The following LNX2 variants were observed in gnomAD, a reference collection of about 807,000 sequenced individuals.
LNX2 encodes the protein ligand of Numb protein X 2.
In LNX2, 35 loss-of-function variants were observed where a neutral mutation model predicts 66.2. The observed-to-expected ratio is 0.53, with a 90% CI of 0.40 to 0.70. LNX2 has a LOEUF of 0.70. Among genes scored for constraint, LNX2 ranks in the 30% least tolerant of loss-of-function variants. The pLI, the probability that LNX2 is intolerant of heterozygous loss-of-function variation, is 0.00. For synonymous variants in LNX2, 337 were observed against 315.6 expected (o/e 1.07, Z -0.72); for missense variants, 791 against 850.8 (o/e 0.93, Z 0.87).
At chr13:27,612,020 A>G (rs997582342) in intron 1 of LNX2, among the ~76,000 whole-genome samples, 4 of 152,238 alleles carry the variant, frequency 2.6e-5, no homozygotes, top group African/African-American at 7.2e-5. Context: ...ACTTGAAGAG[A>G]TAACAGGCAC....
At chr13:27,594,448 T>G (rs1373743364) in intron 1 of LNX2, among the ~76,000 whole-genome samples, 1 of 152,206 alleles carries the variant, frequency 6.6e-6, no homozygotes, top group African/African-American at 2.4e-5. Context: ...TTGAATACAC[T>G]CACTTTTCCC....
chr13:27,555,643 A>G (rs933540665), intron 7 of LNX2, among the ~76,000 whole-genome samples: 3 of 152,240 alleles, frequency 2.0e-5, no homozygotes, highest in African/African-American at 7.2e-5. Flanking sequence ...TTATGATTTA[A>G]TTTGTGTTTA....
At chr13:27,552,845 G>T (rs1375322888) in intron 8 of LNX2, among the ~76,000 whole-genome samples, 1 of 152,204 alleles carries the variant, frequency 6.6e-6, no homozygotes, top group East Asian at 1.9e-4. Flanking sequence ...TTCTGGGATG[G>T]GGGGAAGCCC....
intron 1 of LNX2, among the ~76,000 whole-genome samples, chr13:27,619,197 A>G (rs2138502237): frequency 6.6e-6 from 1 of 150,944 alleles, no homozygotes; most frequent in Middle Eastern, 3.4e-3. Flanking sequence ...CCATGGGAAA[A>G]CTCACATGTG....
intron 2 of LNX2, among the ~76,000 whole-genome samples, chr13:27,575,242 A>T (rs1397573451): frequency 2.0e-5 from 3 of 152,356 alleles, no homozygotes; most frequent in Non-Finnish European, 2.9e-5. Flanking sequence ...TAATGTGTGA[A>T]GATACAACTT....
chr13:27,559,892 T>A lies in LNX2; in HGVS notation c.1318A>T (p.Ser440Cys). The A allele has an allele frequency of 6.2e-7, 1 of 1,610,360 alleles. No individual in the cohort carries two copies. Among genetic ancestry groups the A allele is most frequent in the Non-Finnish European group, 8.5e-7 (1 of 1,177,530 alleles). ...TACGGTGGTGGTGTGTGGTGCTGGC[T>A]GCTGCTGCTATGATTTCCTGCTTCT... Reference protein sequence around the residue: ...IREAGNHSSSSQHHTPPPYYS... With the variant: ...IREAGNHSSSCQHHTPPPYYS... Residue 440 changes from serine (S) to cysteine (C), a missense_variant, in exon 6 of 10, where the codon AGC (serine) becomes TGC (cysteine). Coordinates refer to ENST00000316334, the MANE Select transcript of LNX2 (RefSeq NM_153371.4).
intron 1 of LNX2, among the ~76,000 whole-genome samples, chr13:27,605,383 C>A (rs1955703188): frequency 6.6e-6 from 1 of 152,172 alleles, no homozygotes; most frequent in South Asian, 2.1e-4. Context: ...ATTGAAAAAT[C>A]ATCTCATTAT....
At chr13:27,613,712 G>C (rs1476575566) in intron 1 of LNX2, among the ~76,000 whole-genome samples, 2 of 152,184 alleles carry the variant, frequency 1.3e-5, no homozygotes. Context: ...AGGTTGCCAT[G>C]AGCCGAGACT....
At chr13:27,589,902 C>T (rs1038699988) in intron 1 of LNX2, among the ~76,000 whole-genome samples, 9 of 152,366 alleles carry the variant, frequency 5.9e-5, no homozygotes, top group African/African-American at 1.4e-4. Flanking sequence ...ACCTCCAACA[C>T]GTGGGCTTTC....
chr13:27,570,925 T>C (rs1397133876), intron 2 of LNX2, among the ~76,000 whole-genome samples: 1 of 152,190 alleles, frequency 6.6e-6, no homozygotes, highest in East Asian at 1.9e-4. Flanking sequence ...GTAAGGCCTA[T>C]CTTATAGTTA....
chr13:27,608,806 T>TGTTTTGTTTTGTTTG (rs1333376660), intron 1 of LNX2, among the ~76,000 whole-genome samples: 2 of 152,098 alleles, frequency 1.3e-5, no homozygotes, highest in Non-Finnish European at 2.9e-5. Flanking sequence ...TTTTTTGTTT[T>TGTTTTGTTTTGTTTG]GTTTTGTTTT....
At chr13:27,552,498 T>TA (rs1339157993) in intron 8 of LNX2, among the ~76,000 whole-genome samples, 1 of 152,242 alleles carries the variant, frequency 6.6e-6, no homozygotes, top group Non-Finnish European at 1.5e-5. Context: ...CTTCATAGCT[T>TA]AGTTTTAGGA....
At chr13:27,562,257 A>G (rs554129824) in intron 5 of LNX2, among the ~76,000 whole-genome samples, 156 bp downstream of exon 5, 1 of 151,952 alleles carries the variant, frequency 6.6e-6, no homozygotes, top group South Asian at 2.1e-4. Flanking sequence ...ATGAAGTTAT[A>G]CTAGTGTGGA....
At chr13:27,583,197 T>A (rs1566124620) in intron 1 of LNX2, among the ~76,000 whole-genome samples, 1 of 11,506 alleles carries the variant, frequency 8.7e-5, no homozygotes, top group Admixed American at 1.1e-3. Flanking sequence ...TGTGTGTGTG[T>A]GTGTGTGTGT....
At chr13:27,556,568 A>C (rs2138325960) in intron 6 of LNX2, among the ~76,000 whole-genome samples, 155 bp from the exon 7 acceptor site, 1 of 152,326 alleles carries the variant, frequency 6.6e-6, no homozygotes, top group East Asian at 1.9e-4. Context: ...AGTTCTTAAT[A>C]AGTCTGCTGT....
chr13:27,570,329 A>G (rs1405021960), intron 2 of LNX2, among the ~76,000 whole-genome samples: 1 of 152,206 alleles, frequency 6.6e-6, no homozygotes, highest in African/African-American at 2.4e-5. Flanking sequence ...ATATTTTTAA[A>G]ACTCCAAAAT....
chr13:27,582,374 A>C (rs1228306079), intron 1 of LNX2, among the ~76,000 whole-genome samples: 1 of 152,150 alleles, frequency 6.6e-6, no homozygotes, highest in African/African-American at 2.4e-5. Context: ...TGAAAGGTAA[A>C]GACACCATAG....
intron 1 of LNX2, among the ~76,000 whole-genome samples, chr13:27,617,888 C>T (rs916054094): frequency 4.6e-5 from 7 of 152,206 alleles, no homozygotes; most frequent in Non-Finnish European, 1.0e-4. Context: ...CAACATTCCA[C>T]TAGCTCATTA....
At chr13:27,599,818 C>T (rs561475124) in intron 1 of LNX2, among the ~76,000 whole-genome samples, 13 of 152,252 alleles carry the variant, frequency 8.5e-5, no homozygotes, top group South Asian at 2.1e-4. Context: ...GGATCTCAAA[C>T]TCAAGAAACA....
Sources: allele counts gnomAD v4.1 joint callset (sites outside exome capture counted in the v4.1 genomes callset), GRCh38; gene constraint gnomAD v4.1.1; transcripts MANE v1.5; gene names NCBI Gene and HGNC (gene_info 2026-07-23, HGNC 2026-07-21).